The following CIMIP3 variants were observed in gnomAD, a reference collection of about 807,000 sequenced individuals.
CIMIP3 encodes GUCA1A neighbor.
At chr6:42,156,676 C>T in the CIMIP3 span, among the ~76,000 whole-genome samples, 10 of 152,308 alleles carry the variant, frequency 6.6e-5, no homozygotes, top group East Asian at 3.9e-4. Context: ...GTGCCTTTAC[C>T]GTTCCCAGCA....
the CIMIP3 span, among the ~76,000 whole-genome samples, chr6:42,159,096 C>T: frequency 6.6e-6 from 1 of 152,230 alleles, no homozygotes; most frequent in Non-Finnish European, 1.5e-5. Flanking sequence ...GCCAGGATGT[C>T]AGCCTCTACC....
the CIMIP3 span, chr6:42,155,592 A>AGGT: frequency 5.6e-6 from 4 of 717,322 alleles, no homozygotes; most frequent in African/African-American, 1.7e-5. Flanking sequence ...TGCGGCTGGG[A>AGGT]GGTAGGTCCT....
At chr6:42,158,505 G>A in the CIMIP3 span, among the ~76,000 whole-genome samples, 2 of 152,230 alleles carry the variant, frequency 1.3e-5, no homozygotes, top group Non-Finnish European at 2.9e-5. Context: ...ACACAGCCGA[G>A]GTGTGGACCC....
chr6:42,156,220 T>G, the CIMIP3 span, among the ~76,000 whole-genome samples: 1 of 152,000 alleles, frequency 6.6e-6, no homozygotes, highest in Non-Finnish European at 1.5e-5. Flanking sequence ...GGTCCCGAAC[T>G]CCTGACCTCA....
chr6:42,162,521 C>G, the CIMIP3 span, among the ~76,000 whole-genome samples: 2 of 150,306 alleles, frequency 1.3e-5, no homozygotes, highest in Admixed American at 1.3e-4. Context: ...GGAGGGGCCC[C>G]ACAGGATAGA....
the CIMIP3 span, among the ~76,000 whole-genome samples, chr6:42,158,743 G>A: frequency 6.6e-6 from 1 of 152,226 alleles, no homozygotes; most frequent in Admixed American, 6.5e-5. Flanking sequence ...GCAGAGCTGA[G>A]TGGCTAATGC....
chr6:42,155,708 AG>A, the CIMIP3 span: 1 of 704,210 alleles, frequency 1.4e-6, no homozygotes, highest in Non-Finnish European at 2.7e-6. Context: ...GAGAGGGAAC[AG>A]GACACCCTCC....
the CIMIP3 span, chr6:42,155,447 C>G: frequency 2.9e-6 from 2 of 678,636 alleles, no homozygotes; most frequent in African/African-American, 1.8e-5. Context: ...AGAAGTTCCA[C>G]CTCACCATCA....
the CIMIP3 span, among the ~76,000 whole-genome samples, chr6:42,157,099 G>T: frequency 6.6e-6 from 1 of 152,230 alleles, no homozygotes; most frequent in Admixed American, 6.5e-5. Context: ...CCACTCTTGA[G>T]TCATGCACTT....
the CIMIP3 span, among the ~76,000 whole-genome samples, chr6:42,161,612 C>A: frequency 1.3e-5 from 2 of 152,076 alleles, no homozygotes; most frequent in African/African-American, 4.8e-5. Context: ...CAATGGGGGC[C>A]TCCTAGAGAT....
chr6:42,160,181 G>A, the CIMIP3 span, among the ~76,000 whole-genome samples: 1 of 151,872 alleles, frequency 6.6e-6, no homozygotes, highest in African/African-American at 2.4e-5. Context: ...TAGAGACAAG[G>A]TCTCCCCATG....
At chr6:42,162,828 A>T in the CIMIP3 span, 1 of 569,996 alleles carries the variant, frequency 1.8e-6, no homozygotes, top group Middle Eastern at 2.7e-4. Context: ...GCTTCTGAGC[A>T]GTGGCTCTTT....
chr6:42,156,259 G>C, the CIMIP3 span, among the ~76,000 whole-genome samples: 1 of 150,748 alleles, frequency 6.6e-6, no homozygotes, highest in Non-Finnish European at 1.5e-5. Context: ...GCCTCCCAAA[G>C]TGCTGGGATT....
the CIMIP3 span, among the ~76,000 whole-genome samples, chr6:42,162,760 G>A: frequency 6.6e-6 from 1 of 152,162 alleles, no homozygotes; most frequent in South Asian, 2.1e-4. Flanking sequence ...GCTCTCCCCT[G>A]CTCTGGAGGT....
At chr6:42,163,241 C>CGCCA in the CIMIP3 span, 5 of 592,538 alleles carry the variant, frequency 8.4e-6, no homozygotes, top group Non-Finnish European at 1.6e-5. Context: ...GGTCTTGTGG[C>CGCCA]GCTCCTAGGC....
At chr6:42,158,523 G>A in the CIMIP3 span, among the ~76,000 whole-genome samples, 1 of 152,198 alleles carries the variant, frequency 6.6e-6, no homozygotes, top group African/African-American at 2.4e-5. Context: ...CCCAGGGCAG[G>A]TGGGCCCAAG....
the CIMIP3 span, among the ~76,000 whole-genome samples, chr6:42,162,088 TTC>T: frequency 2.5e-3 from 291 of 114,550 alleles, 8 homozygotes; most frequent in African/African-American, 0.01. Flanking sequence ...GGAAGCCACA[TTC>T]TTTTTTTTTT....
chr6:42,161,647 A>G, the CIMIP3 span, among the ~76,000 whole-genome samples: 2 of 152,156 alleles, frequency 1.3e-5, no homozygotes, highest in Admixed American at 6.5e-5. Context: ...TAAGTAATCA[A>G]CCAAGAGTGG....
the CIMIP3 span, among the ~76,000 whole-genome samples, chr6:42,156,580 C>A: frequency 5.4e-4 from 83 of 152,314 alleles, 1 homozygote; most frequent in South Asian, 0.016. Context: ...CAAAGGGAAA[C>A]GTGCTCTCCT....
Sources: allele counts gnomAD v4.1 joint callset (sites outside exome capture counted in the v4.1 genomes callset), GRCh38; gene constraint gnomAD v4.1.1; transcripts MANE v1.5; gene names NCBI Gene and HGNC (gene_info 2026-07-23, HGNC 2026-07-21).